DAPK1: variants seen among roughly 807,000 people sequenced by gnomAD.
DAPK1 encodes death-associated protein kinase 1.
In DAPK1, 56 loss-of-function variants were observed where a neutral mutation model predicts 144.9. The observed-to-expected ratio is 0.39, with a 90% CI of 0.31 to 0.48. The LOEUF (loss-of-function observed/expected upper bound fraction) is 0.48, where lower values mean the gene tolerates loss of function less well. Among genes scored for constraint, DAPK1 ranks in the 20% least tolerant of loss-of-function variants. The pLI is 0.95. For synonymous variants in DAPK1, 690 were observed against 749.0 expected, an observed-to-expected ratio of 0.92 and a Z score of 1.29; for missense variants, 1,454 against 1,875.4, an observed-to-expected ratio of 0.78 and a Z score of 4.15.
chr9:87,649,835 A>G, intron 15 of DAPK1, 86 bp from the exon 16 acceptor site: 1 of 1,413,366 alleles, frequency 7.1e-7, no homozygotes. Flanking sequence ...CGTTTCTGCC[A>G]AATTTGACAG....
At chr9:87,652,463 C>T (rs11141927) in intron 17 of DAPK1, among the ~76,000 whole-genome samples, 12 of 86,318 alleles carry the variant, frequency 1.4e-4, no homozygotes, top group Non-Finnish European at 2.5e-4. Context: ...CTGTGTCCTC[C>T]CACCTGATCC....
At chr9:87,501,418 G>A (rs969505691) in intron 2 of DAPK1, among the ~76,000 whole-genome samples, 6 of 152,130 alleles carry the variant, frequency 3.9e-5, no homozygotes, top group African/African-American at 1.2e-4. Flanking sequence ...AGTGGCGCGC[G>A]CCTGTAGTCC....
Position 87,677,982 on chromosome 9 carries a change from A to G in DAPK1, c.2002-3422A>G, listed in dbSNP as rs36217438. Among the ~76,000 whole-genome samples the G allele has an allele frequency of 3.0e-3, 461 of 152,328 alleles. 3 individuals carry two copies. The highest frequency in any genetic ancestry group is 0.01 in the African/African-American group (435 of 41,570). On this transcript the variant is annotated intron_variant, in intron 19 of 25. Coordinates refer to ENST00000408954, the MANE Select transcript of DAPK1 (RefSeq NM_004938.4). ...CCACCCCCAATGAGTAACTCCTCATAATAGAATCTGTCCAGCTTTTTTGCT... is the reference window on the plus strand; with the variant it reads ...CCACCCCCAATGAGTAACTCCTCATGATAGAATCTGTCCAGCTTTTTTGCT...
intron 2 of DAPK1, among the ~76,000 whole-genome samples, chr9:87,562,650 C>CTCTA (rs1826971853): frequency 6.6e-6 from 1 of 152,174 alleles, no homozygotes; most frequent in East Asian, 1.9e-4. Context: ...ATCTCAAAGG[C>CTCTA]TCTACATTAT....
At chr9:87,611,839 G>T (rs1268772345) in intron 3 of DAPK1, among the ~76,000 whole-genome samples, 2 of 152,152 alleles carry the variant, frequency 1.3e-5, no homozygotes, top group African/African-American at 4.8e-5. Flanking sequence ...GGATGCTGCT[G>T]GTCTGGGTTC....
At chr9:87,517,931 C>T (rs886628528) in intron 2 of DAPK1, among the ~76,000 whole-genome samples, 9 of 151,956 alleles carry the variant, frequency 5.9e-5, no homozygotes, top group African/African-American at 1.7e-4. Context: ...TGTGGTTGAC[C>T]GCATTTCTAC....
chr9:87,682,539 G>A (rs577029809), intron 20 of DAPK1, among the ~76,000 whole-genome samples: 2 of 152,312 alleles, frequency 1.3e-5, no homozygotes, highest in African/African-American at 2.4e-5. Flanking sequence ...GAGGGAGGAC[G>A]CTGGGGAGCA....
chr9:87,582,841 C>T (rs962597121), intron 2 of DAPK1, among the ~76,000 whole-genome samples: 1 of 152,058 alleles, frequency 6.6e-6, no homozygotes, highest in African/African-American at 2.4e-5. Context: ...GCATGAGCCA[C>T]CGCGCCCAGC....
At chr9:87,582,924 GAGCAGC>G (rs928181369) in intron 2 of DAPK1, among the ~76,000 whole-genome samples, 2 of 151,712 alleles carry the variant, frequency 1.3e-5, no homozygotes, top group Admixed American at 1.3e-4. Context: ...AGAACCACAG[GAGCAGC>G]AGCAGCAGCA....
intron 2 of DAPK1, among the ~76,000 whole-genome samples, chr9:87,540,361 T>C (rs1826004971): frequency 6.6e-6 from 1 of 152,008 alleles, no homozygotes; most frequent in South Asian, 2.1e-4. Context: ...GGCTAATTTT[T>C]GTTATTTTTA....
rs567914359 is a variant in DAPK1, at chr9:87,540,229, A to G, written c.62+41090A>G. ...TTTTGAGACAGAGTCTCGTTCTGTC[A>G]TCCAGGCTGGAATACAGTGGCACCA... is the stretch of plus-strand genomic sequence containing the variant. On this transcript the variant is annotated intron_variant, in intron 2 of 25. Coordinates refer to ENST00000408954, the MANE Select transcript of DAPK1 (RefSeq NM_004938.4). Among the ~76,000 whole-genome samples the G allele has an allele frequency of 5.9e-5, 7 of 119,024 alleles. No homozygotes were observed. The East Asian group carries it at 1.7e-3, about 28-fold the overall frequency. 78.1% of individuals were successfully genotyped at this position (119,024 alleles called of 152,430 possible).
intron 21 of DAPK1, among the ~76,000 whole-genome samples, chr9:87,693,813 G>A (rs943800380): frequency 3.9e-5 from 6 of 152,134 alleles, no homozygotes; most frequent in Admixed American, 1.3e-4. Flanking sequence ...GTGGCCATAC[G>A]ATTTTTTTTC....
chr9:87,549,438 G>T (rs2118545359), intron 2 of DAPK1, among the ~76,000 whole-genome samples: 1 of 152,212 alleles, frequency 6.6e-6, no homozygotes, highest in South Asian at 2.1e-4. Flanking sequence ...CAATTTGTAT[G>T]GGGGGGTTAT....
chr9:87,623,263 C>A (rs931767841), intron 3 of DAPK1, among the ~76,000 whole-genome samples: 4 of 152,166 alleles, frequency 2.6e-5, no homozygotes, highest in African/African-American at 9.7e-5. Flanking sequence ...AAAAGAAAGT[C>A]ATGGTTTTGC....
chr9:87,532,632 G>T (rs1825735169), intron 2 of DAPK1, among the ~76,000 whole-genome samples: 1 of 152,090 alleles, frequency 6.6e-6, no homozygotes, highest in Admixed American at 6.6e-5. Context: ...AACTGAAAAT[G>T]CTAGACAATG....
At chr9:87,680,674 T>C (rs918532658) in intron 19 of DAPK1, among the ~76,000 whole-genome samples, 5 of 141,596 alleles carry the variant, frequency 3.5e-5, no homozygotes, top group Non-Finnish European at 7.9e-5. Context: ...CACACACACA[T>C]TGAAGGCTTC....
intron 3 of DAPK1, among the ~76,000 whole-genome samples, chr9:87,618,760 G>T (rs1020270543): frequency 1.3e-5 from 2 of 152,190 alleles, no homozygotes; most frequent in African/African-American, 4.8e-5. Context: ...TGGGAGTGTG[G>T]TGGGAAAGTA....
At chr9:87,624,643 C>T (rs1178120253) in intron 3 of DAPK1, among the ~76,000 whole-genome samples, 1 of 152,204 alleles carries the variant, frequency 6.6e-6, no homozygotes, top group African/African-American at 2.4e-5. Context: ...GGACAGGACC[C>T]TTATCCCCTG....
chr9:87,663,556 C>G (rs542452614), intron 18 of DAPK1, among the ~76,000 whole-genome samples: 18 of 152,260 alleles, frequency 1.2e-4, no homozygotes, highest in Admixed American at 7.8e-4. Context: ...TTGGCACGCC[C>G]TGACAATCCT....
Sources: allele counts gnomAD v4.1 joint callset (sites outside exome capture counted in the v4.1 genomes callset), GRCh38; gene constraint gnomAD v4.1.1; transcripts MANE v1.5; gene names NCBI Gene and HGNC (gene_info 2026-07-23, HGNC 2026-07-21).